SLC9A6: variants seen among roughly 807,000 people sequenced by gnomAD.
The protein encoded by SLC9A6 is sodium/hydrogen exchanger 6.
In SLC9A6, 6 loss-of-function variants were observed where a neutral mutation model predicts 45.3. That is an observed-to-expected ratio of 0.13 (90% CI 0.07 to 0.26). The LOEUF (loss-of-function observed/expected upper bound fraction) is 0.26. Ranked by LOEUF, SLC9A6 falls within the 10% of genes least tolerant of loss-of-function variation. The probability of loss-of-function intolerance (pLI) is 1.00; values close to 1 mark genes in which losing one functional copy is unlikely to be tolerated. For missense variants in SLC9A6, 278 were observed against 503.7 expected, an observed-to-expected ratio of 0.55 and a Z score of 4.29; for synonymous variants, 191 against 187.7, an observed-to-expected ratio of 1.02 and a Z score of -0.14.
rs1160337741 is a variant in SLC9A6, at chrX:136,017,417, CAAA to C, written c.1194+670_1194+672del. Reference sequence around the variant, plus strand: ...TGGGTGACAAAGGGAGACCCTGTCTCAAAAAAAAAAAAACCAAAAAACCAAAAA... The same window carrying C: ...TGGGTGACAAAGGGAGACCCTGTCTCAAAAAAAAAACCAAAAAACCAAAAA... On this transcript the variant is annotated intron_variant, in intron 11 of 17. Coordinates refer to ENST00000630721, the MANE Select transcript of SLC9A6 (RefSeq NM_001379110.1). Among the ~76,000 whole-genome samples the C allele has an allele frequency of 1.7e-4, 12 of 72,715 alleles. No individual in the cohort carries two copies. The South Asian group carries it at 6.5e-3, about 40-fold the overall frequency. 63.1% of individuals were successfully genotyped at this position (72,715 alleles called of 115,157 possible).
At chrX:136,016,398 G>T (rs1225131743) in intron 10 of SLC9A6, among the ~76,000 whole-genome samples, 1 of 109,425 alleles carries the variant, frequency 9.1e-6, no homozygotes, top group African/African-American at 3.3e-5. Context: ...AGGAAGAGGA[G>T]AGGAATAATT....
intron 6 of SLC9A6, 91 bp from the exon 7 acceptor site, chrX:136,002,017 A>G (rs2089590951): frequency 3.3e-6 from 2 of 606,497 alleles, no homozygotes; most frequent in Admixed American, 2.3e-5. Flanking sequence ...GGAGGAAATG[A>G]ATTTCTAAAT....
chrX:135,999,066 T>G (rs1363926863), intron 6 of SLC9A6, 98 bp downstream of exon 6: 5 of 584,911 alleles, frequency 8.5e-6, no homozygotes, highest in Non-Finnish European at 1.5e-5. Flanking sequence ...GAATTCATGA[T>G]TAGATACTTC....
At chrX:136,023,232 T>G (rs2071170021) in intron 12 of SLC9A6, among the ~76,000 whole-genome samples, 2 of 73,621 alleles carry the variant, frequency 2.7e-5, no homozygotes, top group Non-Finnish European at 2.4e-5. Context: ...TAGTGTCCCA[T>G]TCCCTTCTGT....
rs191811863 is a variant in SLC9A6, at chrX:136,008,554, T to C, written c.744-1888T>C. The stretch of plus-strand genomic sequence containing the variant: ...CTGCGTCCGGCCAAGACTATGAATA[T>C]TTTTATGTCATTGTCAGTTAAAAAA... On this transcript the variant is annotated intron_variant, in intron 7 of 17. Transcript: ENST00000630721. Among the ~76,000 whole-genome samples the C allele has an allele frequency of 7.7e-4, 87 of 112,592 alleles. No individual in the cohort carries two copies. The East Asian group carries it at 0.022, about 28-fold the overall frequency.
intron 6 of SLC9A6, among the ~76,000 whole-genome samples, chrX:135,999,796 C>T (rs368219427): frequency 9.0e-6 from 1 of 111,682 alleles, no homozygotes; most frequent in African/African-American, 3.3e-5. Context: ...TTCGTTGAAG[C>T]TCATTTTGTT....
At chrX:136,014,802 G>T (rs1287958969) in intron 10 of SLC9A6, among the ~76,000 whole-genome samples, 1 of 112,571 alleles carries the variant, frequency 8.9e-6, no homozygotes, top group Non-Finnish European at 1.9e-5. Flanking sequence ...CTAGAACAGG[G>T]TAAGAGCTTC....
At chrX:136,029,438 C>T (rs2071281094) in intron 14 of SLC9A6, 1 of 111,148 alleles carries the variant, frequency 9.0e-6, no homozygotes, top group Admixed American at 9.6e-5. Flanking sequence ...GCTGGAAAAG[C>T]TTCCACGACA....
chrX:135,985,422 G>A, upstream of SLC9A6: 2 of 704,821 alleles, frequency 2.8e-6, no homozygotes, highest in Admixed American at 5.9e-5. Context: ...CCCGGGCCCC[G>A]CCCCTTTCCC....
intron 2 of SLC9A6, among the ~76,000 whole-genome samples, chrX:135,987,730 T>C (rs1309621505): frequency 9.0e-6 from 1 of 111,081 alleles, no homozygotes; most frequent in Non-Finnish European, 1.9e-5. Context: ...GACCAAGGGC[T>C]GTAGTTTGCC....
rs182763073 is a variant in SLC9A6, at chrX:136,040,908, G to T, written c.1767+727G>T. Reference sequence around the variant, plus strand: ...AGGCCGAGGCGGCAGATCACCTGAGGTCAGGAGTTCAAGACCAGACTGGTC... The same window carrying T: ...AGGCCGAGGCGGCAGATCACCTGAGTTCAGGAGTTCAAGACCAGACTGGTC... On this transcript the variant is annotated intron_variant, in intron 17 of 17. Transcript: ENST00000630721. Among the ~76,000 whole-genome samples the T allele has an allele frequency of 1.1e-4, 12 of 112,081 alleles. No individual in the cohort carries two copies. In the East Asian group the frequency reaches 1.7e-3, roughly 16 times the overall value.
rs782378324 is a variant in SLC9A6, at chrX:136,030,669, C to T, written c.1581+507C>T. ...GCACTTTCTTACCTTGCCCCTCAGC[C>T]TTGGCCACGTTTCCTTGCTTCCTTC... is the stretch of plus-strand genomic sequence containing the variant. On this transcript the variant is annotated intron_variant, in intron 15 of 17. Coordinates refer to ENST00000630721, the MANE Select transcript of SLC9A6 (RefSeq NM_001379110.1). Among the ~76,000 whole-genome samples the T allele has an allele frequency of 1.1e-3, 128 of 111,781 alleles. 1 individual carries two copies. Among genetic ancestry groups the T allele is most frequent in the African/African-American group, 4.1e-3 (127 of 30,742 alleles).
At chrX:135,989,620 T>C (rs1437772819) in intron 2 of SLC9A6, among the ~76,000 whole-genome samples, 1 of 112,320 alleles carries the variant, frequency 8.9e-6, no homozygotes, top group Non-Finnish European at 1.9e-5. Context: ...TTCACAAAAC[T>C]AATCTGTAGA....
At chrX:135,984,706 C>A (rs2089306314), upstream of SLC9A6, among the ~76,000 whole-genome samples, 1 of 111,455 alleles carries the variant, frequency 9.0e-6, no homozygotes, top group Non-Finnish European at 1.9e-5. Context: ...TGCTTTAAAA[C>A]AGCAGTAAAA....
intron 3 of SLC9A6, among the ~76,000 whole-genome samples, chrX:135,996,499 C>G (rs782571733): frequency 9.0e-6 from 1 of 111,626 alleles, no homozygotes; most frequent in African/African-American, 3.2e-5. Context: ...GTGTTCATGT[C>G]ACATTCTACT....
chrX:136,033,306 A>G, intron 15 of SLC9A6, 108 bp from the exon 16 acceptor site: 2 of 469,303 alleles, frequency 4.3e-6, no homozygotes, highest in Non-Finnish European at 7.5e-6. Flanking sequence ...CTTGTTGGAG[A>G]GTGTCTTATA....
intron 6 of SLC9A6, among the ~76,000 whole-genome samples, chrX:136,000,518 T>C (rs1236900460): frequency 9.0e-6 from 1 of 111,571 alleles, no homozygotes; most frequent in East Asian, 2.8e-4. Context: ...ATGAGAAATC[T>C]GAGTCCATGA....
intron 7 of SLC9A6, among the ~76,000 whole-genome samples, chrX:136,007,287 A>G (rs1298822030): frequency 9.2e-6 from 1 of 109,187 alleles, no homozygotes; most frequent in East Asian, 3.0e-4. Context: ...GCTGTCATCA[A>G]TGGGGGGGGG....
intron 2 of SLC9A6, among the ~76,000 whole-genome samples, chrX:135,990,768 C>T (rs1437520960): frequency 1.8e-5 from 2 of 109,679 alleles, no homozygotes; most frequent in African/African-American, 6.7e-5. Flanking sequence ...AGTAGGACTC[C>T]GTCTCAAAAA....
Sources: gnomAD v4.1 joint callset for allele counts (sites outside exome capture counted in the v4.1 genomes callset) on GRCh38, gnomAD v4.1.1 for gene constraint, MANE v1.5 for transcripts, NCBI Gene and HGNC (gene_info 2026-07-23, HGNC 2026-07-21) for gene names.